LIPA: variants seen among roughly 807,000 people sequenced by gnomAD.
LIPA encodes lysosomal acid lipase/cholesteryl ester hydrolase.
A neutral mutation model predicts 40.6 loss-of-function variants in LIPA; 26 were observed. The ratio of observed to expected loss-of-function variants is 0.64; its 90% CI spans 0.47 to 0.89. LIPA has a LOEUF of 0.89. Among genes scored for constraint, LIPA ranks in the 40% least tolerant of loss-of-function variants. LIPA has a pLI of 0.00. For missense variants in LIPA, 455 were observed against 479.6 expected, an observed-to-expected ratio of 0.95 and a Z score of 0.48; for synonymous variants, 188 against 168.4, an observed-to-expected ratio of 1.12 and a Z score of -0.90.
intron 8 of LIPA, among the ~76,000 whole-genome samples, chr10:89,221,661 T>C (rs139415486): frequency 1.3e-5 from 2 of 152,204 alleles, no homozygotes; most frequent in African/African-American, 4.8e-5. Flanking sequence ...AGCTGAAAAA[T>C]AAATGGCACA....
chr10:89,232,490 A>C (rs868041246), intron 3 of LIPA, among the ~76,000 whole-genome samples: 3 of 152,336 alleles, frequency 2.0e-5, no homozygotes, highest in Admixed American at 6.5e-5. Flanking sequence ...ATTCCTTGGC[A>C]CTTGTTCCAA....
intron 8 of LIPA, among the ~76,000 whole-genome samples, chr10:89,220,711 C>A (rs1842687135): frequency 6.6e-6 from 1 of 152,146 alleles, no homozygotes; most frequent in African/African-American, 2.4e-5. Flanking sequence ...CAGGCTCTTC[C>A]TAGTTCCTTA....
At chr10:89,338,296 C>A in intron 1 of LIPA, 1 of 180,792 alleles carries the variant, frequency 5.5e-6, no homozygotes, top group South Asian at 1.3e-4. Flanking sequence ...AGTCTGAGAA[C>A]CAGGTAAGCC....
chr10:89,219,926 C>G (rs927798776), intron 8 of LIPA, among the ~76,000 whole-genome samples: 3 of 152,242 alleles, frequency 2.0e-5, no homozygotes, highest in Admixed American at 6.5e-5. Flanking sequence ...TAGTTAGAAT[C>G]TAAAGTCACC....
At chr10:89,328,608 T>C (rs949088037) in intron 1 of LIPA, among the ~76,000 whole-genome samples, 1 of 152,200 alleles carries the variant, frequency 6.6e-6, no homozygotes, top group Non-Finnish European at 1.5e-5. Context: ...AATTTTGCCC[T>C]GAAACGTTGC....
chr10:89,261,724 C>T (rs547473519), intron 1 of LIPA, among the ~76,000 whole-genome samples: 2 of 152,220 alleles, frequency 1.3e-5, no homozygotes, highest in Non-Finnish European at 2.9e-5. Context: ...CATTCTGTAC[C>T]TTCTGTGGTT....
chr10:89,386,441 C>T (rs150858880), intron 2 of LIPA, among the ~76,000 whole-genome samples: 1 of 152,240 alleles, frequency 6.6e-6, no homozygotes, highest in African/African-American at 2.4e-5. Flanking sequence ...TCAATTTAAC[C>T]AGAGGAAACT....
chr10:89,412,566 C>A (rs563569947), intron 2 of LIPA: 2 of 171,598 alleles, frequency 1.2e-5, no homozygotes, highest in Non-Finnish European at 2.6e-5. Context: ...TTTGTTCTTT[C>A]GCTCTTCGCA....
At chr10:89,303,009 CAA>C (rs11420925) in intron 1 of LIPA, among the ~76,000 whole-genome samples, 40 of 132,112 alleles carry the variant, frequency 3.0e-4, no homozygotes, top group Middle Eastern at 3.8e-3. Flanking sequence ...TGCCTGATTT[CAA>C]AAAAAAAAAA....
In LIPA at chr10:89,360,883, A is replaced by G. The variant is rs78353382; in HGVS notation, c.61+51908T>C. On this transcript the variant is annotated intron_variant, in intron 2 of 8. Transcript: ENST00000371837. ...CCCAAGAGCCTAAAATCAAGGTATC[A>G]GCAGAGCCATGCGCCCTTTGAAACT... 5.1e-3 allele frequency among the ~76,000 whole-genome samples: 783 copies of G among 152,348 alleles called. 3 individuals are homozygous for G. The highest frequency in any genetic ancestry group is 0.018 in the African/African-American group (749 of 41,586).
intron 1 of LIPA, among the ~76,000 whole-genome samples, chr10:89,291,754 C>T (rs1395427059): frequency 6.6e-6 from 1 of 152,202 alleles, no homozygotes; most frequent in Non-Finnish European, 1.5e-5. Flanking sequence ...GAGCAGGATA[C>T]TGTTGTGGAA....
intron 2 of LIPA, among the ~76,000 whole-genome samples, chr10:89,378,492 G>A (rs1844138750): frequency 6.6e-6 from 1 of 152,120 alleles, no homozygotes; most frequent in Admixed American, 6.6e-5. Flanking sequence ...CTGTAGGGGA[G>A]GGGCTTCTCA....
chr10:89,269,458 AT>A (rs750712900), intron 1 of LIPA, among the ~76,000 whole-genome samples: 26 of 150,008 alleles, frequency 1.7e-4, no homozygotes, highest in Middle Eastern at 3.4e-3. Flanking sequence ...ATCTTTAAGG[AT>A]TTTTTTTTTG....
chr10:89,370,711 T>C (rs762598955), intron 2 of LIPA, among the ~76,000 whole-genome samples: 1 of 152,126 alleles, frequency 6.6e-6, no homozygotes, highest in Non-Finnish European at 1.5e-5. Context: ...CATCTCCAGA[T>C]GTGATCATCC....
chr10:89,274,085 C>A (rs949799827), intron 1 of LIPA, among the ~76,000 whole-genome samples: 1 of 152,176 alleles, frequency 6.6e-6, no homozygotes, highest in Non-Finnish European at 1.5e-5. Context: ...TTCCTGGGAT[C>A]CATGAGACAC....
At chr10:89,393,424 C>T (rs1589632537) in intron 2 of LIPA, 1 of 679,828 alleles carries the variant, frequency 1.5e-6, no homozygotes. Context: ...GTGGGAATTT[C>T]TCAGCTGATT....
chr10:89,275,267 A>G (rs1220836828), intron 1 of LIPA, among the ~76,000 whole-genome samples: 3 of 152,212 alleles, frequency 2.0e-5, no homozygotes, highest in Non-Finnish European at 2.9e-5. Flanking sequence ...TCCTTGGTGT[A>G]CCAGACCTGC....
intron 2 of LIPA, among the ~76,000 whole-genome samples, chr10:89,393,860 CCCT>C (rs1183642749): frequency 6.6e-6 from 1 of 152,140 alleles, no homozygotes; most frequent in Non-Finnish European, 1.5e-5. Context: ...CTATGATGAA[CCCT>C]CCTCTGTAAA....
intron 1 of LIPA, among the ~76,000 whole-genome samples, chr10:89,320,076 T>C (rs1008761785): frequency 3.9e-5 from 6 of 152,196 alleles, no homozygotes; most frequent in African/African-American, 1.4e-4. Flanking sequence ...CTCAAAATAA[T>C]AAGAGCTATT....
Sources: allele counts gnomAD v4.1 joint callset (sites outside exome capture counted in the v4.1 genomes callset), GRCh38; gene constraint gnomAD v4.1.1; transcripts MANE v1.5; gene names NCBI Gene and HGNC (gene_info 2026-07-23, HGNC 2026-07-21).